The following FOLH1 variants were observed in gnomAD, a reference collection of about 807,000 sequenced individuals.
The protein encoded by FOLH1 is folate hydrolase 1, also known as glutamate carboxypeptidase 2.
A neutral mutation model predicts 93.9 loss-of-function variants in FOLH1; 54 were observed. The observed-to-expected ratio is 0.57, with a 90% CI of 0.46 to 0.72. The LOEUF (loss-of-function observed/expected upper bound fraction) is 0.72. Ranked by LOEUF, FOLH1 falls within the 30% of genes least tolerant of loss-of-function variation. The probability of loss-of-function intolerance (pLI) is 0.00; values close to 1 mark genes in which losing one functional copy is unlikely to be tolerated. For synonymous variants in FOLH1, 249 were observed against 303.6 expected (o/e 0.82, Z 1.87); for missense variants, 571 against 892.5 (o/e 0.64, Z 4.59).
intron 4 of FOLH1, among the ~76,000 whole-genome samples, chr11:49,189,434 G>A (rs1395328753): frequency 6.6e-6 from 1 of 152,168 alleles, no homozygotes; most frequent in Non-Finnish European, 1.5e-5. Flanking sequence ...ACAAATTGGT[G>A]AAGATCTATT....
In FOLH1 at chr11:49,194,871, G is replaced by T. The variant is rs141952892; in HGVS notation, c.412-1977C>A. On this transcript the variant is annotated intron_variant, in intron 3 of 18. Coordinates refer to ENST00000256999, the MANE Select transcript of FOLH1 (RefSeq NM_004476.3). ...TTCATCAACAATTCTGTTTATATAT[G>T]ATAATAGGTCTCCAAATTATACATA... Among the ~76,000 whole-genome samples the T allele has an allele frequency of 1.8e-3, 272 of 151,942 alleles. 1 individual carries two copies. Among genetic ancestry groups the T allele is most frequent in the African/African-American group, 6.1e-3 (252 of 41,488 alleles).
Position 49,201,255 on chromosome 11 carries a change from G to GATATATATATATAT in FOLH1, c.225-828_225-815dup, listed in dbSNP as rs35326986. Among the ~76,000 whole-genome samples, 49 of 139,850 alleles carry GATATATATATATAT rather than the reference G, an allele frequency of 3.5e-4. 1 individual carries two copies. Among genetic ancestry groups the GATATATATATATAT allele is most frequent in the African/African-American group, 1.1e-3 (43 of 38,376 alleles). The allele number at this position is 139,850 out of a possible 152,430, so 91.7% of individuals were successfully genotyped here. A position where few individuals can be genotyped will look rare whatever the true frequency, so the allele number is the denominator to read the frequency against. ...GACAAGATATTATGTAGCATGAAAA[G>GATATATATATATAT]ATATATATATATATATATATATAGT... On this transcript the variant is annotated intron_variant, in intron 2 of 18. Transcript: ENST00000256999.
At chr11:49,166,475 C>T (rs771815355) in intron 12 of FOLH1, among the ~76,000 whole-genome samples, 14 of 152,254 alleles carry the variant, frequency 9.2e-5, no homozygotes, top group Non-Finnish European at 1.3e-4. Context: ...AATTTTTTTA[C>T]GTGTAAAGCA....
chr11:49,169,147 T>C, intron 12 of FOLH1, 48 bp downstream of exon 12: 2 of 1,585,378 alleles, frequency 1.3e-6, no homozygotes, highest in Non-Finnish European at 1.7e-6. Context: ...ACTAGACTGC[T>C]GCTCCTAGTT....
At chr11:49,161,322 A>G (rs1315393737) in intron 13 of FOLH1, among the ~76,000 whole-genome samples, 1 of 152,150 alleles carries the variant, frequency 6.6e-6, no homozygotes, top group Admixed American at 6.5e-5. Context: ...TGTTATGTGC[A>G]TATATATTTA....
chr11:49,177,119 A>G (rs561276894), intron 7 of FOLH1, among the ~76,000 whole-genome samples: 1 of 152,236 alleles, frequency 6.6e-6, no homozygotes, highest in African/African-American at 2.4e-5. Context: ...TGCACATGCA[A>G]TAAGGAAACA....
Position 49,159,250 on chromosome 11 carries a change from G to A in FOLH1, c.1441-1207C>T, listed in dbSNP as rs2733988. ...CTTGTAGCTTTGGCCCATTCAGTAC[G>A]ATGTTGGCTGTGGGTTTGTCATATA... On this transcript the variant is annotated intron_variant, in intron 13 of 18. Transcript: ENST00000256999. Among the ~76,000 whole-genome samples, 4 of 152,312 alleles carry A rather than the reference G, an allele frequency of 2.6e-5. No individual in the cohort carries two copies. In the South Asian group the frequency reaches 6.2e-4, roughly 24 times the overall value.
intron 2 of FOLH1, among the ~76,000 whole-genome samples, chr11:49,201,590 G>A (rs2135320992): frequency 6.6e-6 from 1 of 152,036 alleles, no homozygotes; most frequent in East Asian, 1.9e-4. Context: ...ATGTTTAGGG[G>A]CAAAATATCT....
rs556161735 is a variant in FOLH1, at chr11:49,150,164, C to T, written c.1971-1433G>A. On this transcript the variant is annotated intron_variant, in intron 17 of 18. Coordinates refer to ENST00000256999, the MANE Select transcript of FOLH1 (RefSeq NM_004476.3). The stretch of plus-strand genomic sequence containing the variant: ...GTGAAATCTATGGATAGAGAGGGCT[C>T]ACTGTATTAATTGAAAAAAATTCGT... Among the ~76,000 whole-genome samples the T allele has an allele frequency of 3.3e-5, 5 of 152,254 alleles. No individual in the cohort carries two copies. In the South Asian group the frequency reaches 1.0e-3, roughly 32 times the overall value.
At chr11:49,165,405 G>T (rs1858265894) in intron 12 of FOLH1, among the ~76,000 whole-genome samples, 1 of 152,082 alleles carries the variant, frequency 6.6e-6, no homozygotes, top group Non-Finnish European at 1.5e-5. Context: ...TGTGAACCAG[G>T]TGCTCTTCTT....
chr11:49,174,025 T>C (rs1193606995), intron 9 of FOLH1, among the ~76,000 whole-genome samples: 3 of 152,198 alleles, frequency 2.0e-5, no homozygotes, highest in Non-Finnish European at 2.9e-5. Flanking sequence ...TCAGGAGTGA[T>C]AAAGCATTGA....
At chr11:49,204,981 C>T (rs1414488384) in intron 2 of FOLH1, among the ~76,000 whole-genome samples, 5 of 152,056 alleles carry the variant, frequency 3.3e-5, no homozygotes, top group African/African-American at 9.6e-5. Context: ...GAAGCCGAGG[C>T]GGGCAGATCA....
chr11:49,157,637 TA>T (rs557195658), intron 14 of FOLH1, among the ~76,000 whole-genome samples: 1 of 151,836 alleles, frequency 6.6e-6, no homozygotes, highest in Non-Finnish European at 1.5e-5. Context: ...TCCAAAATCT[TA>T]AAAAAATCCA....
intron 3 of FOLH1, among the ~76,000 whole-genome samples, chr11:49,198,768 T>C (rs1489037341): frequency 2.6e-5 from 4 of 151,334 alleles, no homozygotes; most frequent in Non-Finnish European, 5.9e-5. Context: ...GTTTTTTTAG[T>C]TTGTTTTTCT....
intron 10 of FOLH1, among the ~76,000 whole-genome samples, chr11:49,171,726 C>G (rs1206116993): frequency 6.6e-6 from 1 of 151,956 alleles, no homozygotes; most frequent in Non-Finnish European, 1.5e-5. Flanking sequence ...GATTTCACAC[C>G]ATTCTCTGCC....
At chr11:49,171,495 A>G (rs1270109653) in intron 10 of FOLH1, among the ~76,000 whole-genome samples, 1 of 152,228 alleles carries the variant, frequency 6.6e-6, no homozygotes, top group Non-Finnish European at 1.5e-5. Flanking sequence ...GACATGTGAC[A>G]GTAAAAATCT....
At chr11:49,196,654 GA>G (rs1862652603) in intron 3 of FOLH1, among the ~76,000 whole-genome samples, 1 of 152,008 alleles carries the variant, frequency 6.6e-6, no homozygotes, top group South Asian at 2.1e-4. Context: ...GATCAAGAAA[GA>G]AAAATCGCAT....
Position 49,185,873 on chromosome 11 carries a change from TTTC to T in FOLH1, c.640-21_640-19del, listed in dbSNP as rs1270037483. The T allele has an allele frequency of 6.6e-7, 1 of 1,508,818 alleles. No individual in the cohort carries two copies. Among genetic ancestry groups the T allele is most frequent in the Non-Finnish European group, 8.8e-7 (1 of 1,133,316 alleles). 93.5% of individuals were successfully genotyped at this position (1,508,818 alleles called of 1,614,324 possible). A position where few individuals can be genotyped will look rare whatever the true frequency, so the allele number is the denominator to read the frequency against. ...TTTTTAACCTAGAAAACACAGTGTC[TTTC>T]TTTCCTTATTTTAAATTGGTTGTTC... On this transcript the variant is annotated intron_variant, in intron 5 of 18. Coordinates refer to ENST00000256999, the MANE Select transcript of FOLH1 (RefSeq NM_004476.3).
intron 13 of FOLH1, among the ~76,000 whole-genome samples, chr11:49,163,323 C>T (rs1266117263): frequency 6.6e-6 from 1 of 151,758 alleles, no homozygotes; most frequent in Non-Finnish European, 1.5e-5. Context: ...TGATGAGGAA[C>T]GTAGTTGGGG....
Sources: allele counts gnomAD v4.1 joint callset (sites outside exome capture counted in the v4.1 genomes callset), GRCh38; gene constraint gnomAD v4.1.1; transcripts MANE v1.5; gene names NCBI Gene and HGNC (gene_info 2026-07-23, HGNC 2026-07-21).